EYA1: variants seen among roughly 807,000 people sequenced by gnomAD.
EYA1 encodes the protein EYA transcriptional coactivator and phosphatase 1.
A neutral mutation model predicts 82.0 loss-of-function variants in EYA1; 16 were observed. The ratio of observed to expected loss-of-function variants is 0.20; its 90% CI spans 0.13 to 0.30. The LOEUF (loss-of-function observed/expected upper bound fraction) is 0.30. EYA1 is among the 10% of genes least tolerant of loss of function. The pLI is 1.00. For missense variants in EYA1, 633 were observed against 730.7 expected, an observed-to-expected ratio of 0.87 and a Z score of 1.54; for synonymous variants, 261 against 264.4, an observed-to-expected ratio of 0.99 and a Z score of 0.12.
chr8:71,417,509 T>G (rs1187704015), intron 2 of EYA1, among the ~76,000 whole-genome samples: 1 of 152,218 alleles, frequency 6.6e-6, no homozygotes, highest in East Asian at 1.9e-4. Context: ...GTATCAAAAT[T>G]TATTTAGACA....
chr8:71,514,734 C>T (rs1812843217), intron 2 of EYA1, among the ~76,000 whole-genome samples: 1 of 152,150 alleles, frequency 6.6e-6, no homozygotes, highest in South Asian at 2.1e-4. Flanking sequence ...GTCCCTCCCA[C>T]AACACGTGGG....
rs185912388 is a variant in EYA1 at position 71,338,604 on chromosome 8, G to A, written c.125-4430C>T. Among the ~76,000 whole-genome samples the A allele has an allele frequency of 1.7e-3, 254 of 152,284 alleles. 6 individuals carry two copies. The highest frequency in any genetic ancestry group is 0.015 in the Admixed American group (230 of 15,300). The stretch of plus-strand genomic sequence containing the variant: ...TGGTTATACCTTGAAGGTTCCAGTC[G>A]TACAGAAGACTTCTACATCTGCAGA... On this transcript the variant is annotated intron_variant, in intron 3 of 17. Coordinates refer to ENST00000340726, the MANE Select transcript of EYA1 (RefSeq NM_000503.6).
chr8:71,376,087 G>A (rs1307981680), intron 2 of EYA1, among the ~76,000 whole-genome samples: 1 of 152,196 alleles, frequency 6.6e-6, no homozygotes, highest in Non-Finnish European at 1.5e-5. Context: ...TGGCAGACAG[G>A]GCTGTGTACG....
chr8:71,402,351 A>G (rs1173327798), intron 2 of EYA1, among the ~76,000 whole-genome samples: 1 of 152,194 alleles, frequency 6.6e-6, no homozygotes, highest in East Asian at 1.9e-4. Context: ...TGGAAGAAAT[A>G]AAAATTTCAC....
chr8:71,394,152 T>C (rs1349934698), intron 2 of EYA1, among the ~76,000 whole-genome samples: 2 of 152,224 alleles, frequency 1.3e-5, no homozygotes, highest in East Asian at 1.9e-4. Flanking sequence ...ATTTTTTTCT[T>C]GTAAATTTGT....
intron 2 of EYA1, among the ~76,000 whole-genome samples, chr8:71,388,829 A>G (rs1586608081): frequency 6.6e-6 from 1 of 152,110 alleles, no homozygotes; most frequent in Non-Finnish European, 1.5e-5. Context: ...AATGAATTGA[A>G]TTAGACATAT....
At chr8:71,214,041 T>G (rs1808870976) in intron 16 of EYA1, among the ~76,000 whole-genome samples, 1 of 152,150 alleles carries the variant, frequency 6.6e-6, no homozygotes, top group African/African-American at 2.4e-5. Context: ...TAGTAATCAT[T>G]TAGTAAATGC....
intron 7 of EYA1, among the ~76,000 whole-genome samples, chr8:71,310,999 T>A (rs1405151409): frequency 1.3e-5 from 2 of 152,298 alleles, no homozygotes; most frequent in African/African-American, 4.8e-5. Context: ...AACAACTTAA[T>A]TTTAATGGTT....
intron 1 of EYA1, among the ~76,000 whole-genome samples, chr8:71,545,308 A>C (rs993918181): frequency 1.3e-5 from 2 of 152,200 alleles, no homozygotes; most frequent in Non-Finnish European, 1.5e-5. Flanking sequence ...AGGTCATAAA[A>C]CCATAATGCA....
At chr8:71,385,203 T>C (rs1336071854) in intron 2 of EYA1, among the ~76,000 whole-genome samples, 1 of 152,008 alleles carries the variant, frequency 6.6e-6, no homozygotes, top group Non-Finnish European at 1.5e-5. Flanking sequence ...CTAGATATAA[T>C]GCTAGCACTT....
At chr8:71,399,024 C>T (rs1394134117) in intron 2 of EYA1, among the ~76,000 whole-genome samples, 1 of 152,204 alleles carries the variant, frequency 6.6e-6, no homozygotes, top group Non-Finnish European at 1.5e-5. Context: ...CTTGCTGCTG[C>T]CTTGCAGTTC....
intron 2 of EYA1, among the ~76,000 whole-genome samples, chr8:71,459,523 C>A (rs1453871041): frequency 1.3e-5 from 2 of 152,096 alleles, no homozygotes; most frequent in Non-Finnish European, 2.9e-5. Flanking sequence ...CCATGTTAAC[C>A]AAGGTCTACA....
intron 2 of EYA1, among the ~76,000 whole-genome samples, chr8:71,406,121 T>C (rs143753719): frequency 7.9e-5 from 12 of 152,278 alleles, no homozygotes; most frequent in African/African-American, 2.9e-4. Context: ...TGTGTATCAG[T>C]TATACCTCAA....
chr8:71,452,755 A>G (rs1338572649), intron 2 of EYA1, among the ~76,000 whole-genome samples: 6 of 152,218 alleles, frequency 3.9e-5, no homozygotes, highest in African/African-American at 1.4e-4. Context: ...CATCCACACC[A>G]AAACCCAATT....
At chr8:71,313,295 T>C (rs1177653127) in intron 7 of EYA1, among the ~76,000 whole-genome samples, 2 of 152,232 alleles carry the variant, frequency 1.3e-5, no homozygotes, top group Non-Finnish European at 2.9e-5. Context: ...TTTTTTGCTA[T>C]GCTTATTTGG....
At chr8:71,395,702 T>C (rs1193654989) in intron 2 of EYA1, among the ~76,000 whole-genome samples, 1 of 152,228 alleles carries the variant, frequency 6.6e-6, no homozygotes, top group Non-Finnish European at 1.5e-5. Flanking sequence ...GCCAGTATTT[T>C]ATTGAGGATT....
At chr8:71,534,858 C>G (rs1246486513) in intron 2 of EYA1, among the ~76,000 whole-genome samples, 1 of 149,538 alleles carries the variant, frequency 6.7e-6, no homozygotes, top group African/African-American at 2.5e-5. Context: ...CACATGTATC[C>G]CAGAACTTAA....
At chr8:71,223,613 A>C (rs1479439946) in intron 12 of EYA1, among the ~76,000 whole-genome samples, 1 of 152,176 alleles carries the variant, frequency 6.6e-6, no homozygotes, top group Non-Finnish European at 1.5e-5. Flanking sequence ...GCACGATCTC[A>C]CAGCCATGCG....
At position 71,463,706 on chromosome 8, in the gene EYA1, G is replaced by T. The variant is rs117650845; in HGVS notation, c.33+72038C>A. Reference sequence around the variant, plus strand: ...CATATATTTACATATACATGTTAGGGTACATCATTTACTTAACTGCAATAC... The same window carrying T: ...CATATATTTACATATACATGTTAGGTTACATCATTTACTTAACTGCAATAC... On this transcript the variant is annotated intron_variant, in intron 2 of 18. Transcript: ENST00000643681. Among the ~76,000 whole-genome samples, 236 of 143,718 alleles carry T rather than the reference G, an allele frequency of 1.6e-3. 2 individuals carry two copies. Among genetic ancestry groups the T allele is most frequent in the East Asian group, 0.016 (75 of 4,768 alleles). The allele number at this position is 143,718 out of a possible 152,430, so 94.3% of individuals were successfully genotyped here.
Sources: allele counts gnomAD v4.1 joint callset (sites outside exome capture counted in the v4.1 genomes callset), GRCh38; gene constraint gnomAD v4.1.1; transcripts MANE v1.5; gene names NCBI Gene and HGNC (gene_info 2026-07-23, HGNC 2026-07-21).